The following PPP2R1A variants were observed in gnomAD, a reference collection of about 807,000 sequenced individuals.
PPP2R1A encodes protein phosphatase 2 scaffold subunit Aalpha.
PPP2R1A carries 15 observed loss-of-function variants against 67.1 expected under a neutral mutation model. The observed-to-expected ratio is 0.22, with a 90% CI of 0.15 to 0.34. The LOEUF (loss-of-function observed/expected upper bound fraction) is 0.34. PPP2R1A is among the 10% of genes least tolerant of loss of function. The pLI is 1.00. For missense variants in PPP2R1A, 369 were observed against 775.0 expected (o/e 0.48, Z 6.22); for synonymous variants, 337 against 325.0 (o/e 1.04, Z -0.40).
chr19:52,194,088 CAAAAA>C (rs915576804), intron 1 of PPP2R1A, among the ~76,000 whole-genome samples: 19 of 60,508 alleles, frequency 3.1e-4, no homozygotes, highest in African/African-American at 7.7e-4. Flanking sequence ...ACCCTGTCTC[CAAAAA>C]AAAAAAAAAA....
At chr19:52,221,985 T>C in intron 12 of PPP2R1A, 114 bp from the exon 13 acceptor site, 1 of 1,095,874 alleles carries the variant, frequency 9.1e-7, no homozygotes, top group Non-Finnish European at 1.3e-6. Context: ...TCACCCGTAT[T>C]GCTCAGCCTC....
At position 52,213,019 on chromosome 19, in the gene PPP2R1A, A is replaced by T. The variant is rs2089687182; in HGVS notation, c.716A>T (p.Asp239Val). 3 of 1,612,118 alleles carry T rather than the reference A, an allele frequency of 1.9e-6. No homozygotes were observed. The highest frequency in any genetic ancestry group is 2.5e-6 in the Non-Finnish European group (3 of 1,179,582). Residue 239 changes from aspartate (D) to valine (V), a missense_variant, in exon 6 of 15, where the codon GAT becomes GTT. Asp to Val is a radical substitution (Grantham distance 152). This residue lies in a region of PPP2R1A where 276 missense variants were observed against 508.4 expected (regional missense o/e 0.54). Transcript: ENST00000322088. The surrounding 1 kb of genome is among the most constrained non-coding windows in gnomAD (Gnocchi z 4.2). ...ATCGCCCAGCTTCTGCCCCAGGAGG[A>T]TCTGGAGGCCCTGGTGATGCCCACT... ...VNIAQLLPQE[D>V]LEALVMPTLR...
chr19:52,200,373 C>T (rs1479248544), intron 1 of PPP2R1A: 1 of 152,202 alleles, frequency 6.6e-6, no homozygotes, highest in Non-Finnish European at 1.5e-5. Flanking sequence ...GGCTTTGGAT[C>T]CCACACTCCC....
intron 1 of PPP2R1A, among the ~76,000 whole-genome samples, chr19:52,192,894 G>A (rs2089467547): frequency 6.6e-6 from 1 of 152,186 alleles, no homozygotes; most frequent in African/African-American, 2.4e-5. Flanking sequence ...CTGTCTGGAA[G>A]CTCCTATGGC....
At chr19:52,199,778 G>A (rs573557688) in intron 1 of PPP2R1A, among the ~76,000 whole-genome samples, 2 of 152,320 alleles carry the variant, frequency 1.3e-5, no homozygotes, top group African/African-American at 4.8e-5. Flanking sequence ...TACACCCCAG[G>A]TCAGTGATTG....
intron 11 of PPP2R1A, among the ~76,000 whole-genome samples, 167 bp from the exon 12 acceptor site, chr19:52,220,812 C>CA (rs1440743350): frequency 6.6e-6 from 1 of 152,064 alleles, no homozygotes; most frequent in Non-Finnish European, 1.5e-5. Flanking sequence ...TAAAAAAAAA[C>CA]AGTTACTAGA....
chr19:52,225,566 G>A (rs1316021635), intron 13 of PPP2R1A, 151 bp from the exon 14 acceptor site: 1 of 641,166 alleles, frequency 1.6e-6, no homozygotes, highest in East Asian at 2.7e-5. Flanking sequence ...TCTAATTCCT[G>A]TGTGTGCCCT....
At chr19:52,214,657 C>T (rs1323732665) in intron 6 of PPP2R1A, among the ~76,000 whole-genome samples, 1 of 152,086 alleles carries the variant, frequency 6.6e-6, no homozygotes, top group Admixed American at 6.5e-5. Flanking sequence ...CTTCAGGAAC[C>T]AGCTTTGCAG....
chr19:52,200,524 C>G (rs918885780), intron 1 of PPP2R1A: 1 of 152,238 alleles, frequency 6.6e-6, no homozygotes, highest in South Asian at 2.1e-4. Context: ...GTTGTGAGAT[C>G]TATTATGTGT....
chr19:52,195,024 T>A (rs2089485332), intron 1 of PPP2R1A, among the ~76,000 whole-genome samples: 1 of 152,130 alleles, frequency 6.6e-6, no homozygotes, highest in Non-Finnish European at 1.5e-5. Context: ...AGGGTCAGAT[T>A]GTGTTGGGCC....
In PPP2R1A at chr19:52,211,695, C is replaced by G. The variant is rs2122331079; in HGVS notation, c.503+203C>G. The G allele has an allele frequency of 1.7e-6, 1 of 593,920 alleles. No homozygotes were observed. Among genetic ancestry groups the G allele is most frequent in the African/African-American group, 1.9e-5 (1 of 53,916 alleles). 36.8% of individuals were successfully genotyped at this position (593,920 alleles called of 1,614,324 possible). A position where few individuals can be genotyped will look rare whatever the true frequency, so the allele number is the denominator to read the frequency against. On this transcript the variant is annotated intron_variant, in intron 4 of 14. Transcript: ENST00000322088. The surrounding 1 kb of genome is among the most constrained non-coding windows in gnomAD (Gnocchi z 5.3). ...GTGTCAGTTTACCCACCTCTGCCCC[C>G]TTGCTCACTTAGGAATTGAGATGAT...
intron 1 of PPP2R1A, among the ~76,000 whole-genome samples, chr19:52,194,826 G>A (rs1255983784): frequency 6.6e-6 from 1 of 152,172 alleles, no homozygotes; most frequent in Admixed American, 6.5e-5. Flanking sequence ...CTTGCTCATT[G>A]TTCTGCGGTA....
At chr19:52,191,154 C>T (rs953437136) in intron 1 of PPP2R1A, 1 of 152,404 alleles carries the variant, frequency 6.6e-6, no homozygotes, top group African/African-American at 2.4e-5. Flanking sequence ...AGCCACCGCG[C>T]CCAGCCCGGA....
At chr19:52,190,985 A>G (rs1164999109) in intron 1 of PPP2R1A, 1 of 152,072 alleles carries the variant, frequency 6.6e-6, no homozygotes, top group Non-Finnish European at 1.5e-5. Flanking sequence ...TCAGCTCCCT[A>G]ATTAGCTGCG....
intron 2 of PPP2R1A, 48 bp from the exon 3 acceptor site, chr19:52,205,915 G>C (rs2089596967): frequency 6.7e-7 from 1 of 1,494,090 alleles, no homozygotes; most frequent in African/African-American, 1.4e-5. Context: ...CTTGGGCTGG[G>C]GTCAGAGTTG....
intron 1 of PPP2R1A, among the ~76,000 whole-genome samples, chr19:52,199,156 G>T (rs6509627): frequency 0.44 from 66,430 of 150,992 alleles, 15,248 homozygotes; most frequent in African/African-American, 0.58. Flanking sequence ...AGTATTTTAT[G>T]TTATTTTATT....
In PPP2R1A at chr19:52,213,458, T is replaced by G. The variant is rs1433700449; in HGVS notation, c.807+348T>G. Among the ~76,000 whole-genome samples, 4 of 32,542 alleles carry G rather than the reference T, an allele frequency of 1.2e-4. No individual in the cohort carries two copies. Among genetic ancestry groups the G allele is most frequent in the Non-Finnish European group, 1.3e-4 (2 of 15,144 alleles). The allele number at this position is 32,542 out of a possible 152,430, so 21.3% of individuals were successfully genotyped here. A position where few individuals can be genotyped will look rare whatever the true frequency, so the allele number is the denominator to read the frequency against. ...CCCAAAAAGGTGGGGTTTTTTGGTGTTTTTTTTTTTTTTTTTTTTTTTTTT... is the reference window on the plus strand; with the variant it reads ...CCCAAAAAGGTGGGGTTTTTTGGTGGTTTTTTTTTTTTTTTTTTTTTTTTT... On this transcript the variant is annotated intron_variant, in intron 6 of 14. Coordinates refer to ENST00000322088, the MANE Select transcript of PPP2R1A (RefSeq NM_014225.6). The surrounding 1 kb of genome is among the most constrained non-coding windows in gnomAD (Gnocchi z 4.2).
intron 1 of PPP2R1A, among the ~76,000 whole-genome samples, chr19:52,192,675 C>T (rs937285324): frequency 6.6e-6 from 1 of 152,156 alleles, no homozygotes; most frequent in East Asian, 1.9e-4. Context: ...CCCATCTTTT[C>T]ATTCATCCAT....
At chr19:52,197,187 A>G (rs975645887) in intron 1 of PPP2R1A, among the ~76,000 whole-genome samples, 1 of 152,220 alleles carries the variant, frequency 6.6e-6, no homozygotes, top group Non-Finnish European at 1.5e-5. Flanking sequence ...AGATTATAAT[A>G]TCACTATAGT....
Sources: allele counts gnomAD v4.1 joint callset (sites outside exome capture counted in the v4.1 genomes callset), GRCh38; gene constraint gnomAD v4.1.1; regional missense constraint gnomAD v4.1.1; non-coding constraint Gnocchi (gnomAD v3.1); transcripts MANE v1.5; gene names NCBI Gene and HGNC (gene_info 2026-07-23, HGNC 2026-07-21).